Variants in LGR4 observed in about 807,000 individuals in gnomAD.
The protein encoded by LGR4 is leucine-rich repeat-containing G protein-coupled receptor 4.
Under a neutral mutation model 84.8 loss-of-function variants are expected in LGR4, and 44 were observed. The observed-to-expected ratio is 0.52, with a 90% confidence interval of 0.41 to 0.67. The LOEUF is 0.67. LGR4 is among the 30% of genes least tolerant of loss of function. The pLI, the probability that LGR4 is intolerant of heterozygous loss-of-function variation, is 0.00. For synonymous variants in LGR4, 429 were observed against 434.3 expected (o/e 0.99, Z 0.15); for missense variants, 1,032 against 1,131.4 (o/e 0.91, Z 1.26).
chr11:27,370,818 C>T (rs1488344459), intron 17 of LGR4, among the ~76,000 whole-genome samples: 4 of 152,154 alleles, frequency 2.6e-5, no homozygotes, highest in Non-Finnish European at 4.4e-5. Flanking sequence ...AAGCAAGCTG[C>T]ACCCCAACCT....
At chr11:27,408,893 T>C (rs1443373405) in intron 2 of LGR4, among the ~76,000 whole-genome samples, 1 of 152,124 alleles carries the variant, frequency 6.6e-6, no homozygotes, top group South Asian at 2.1e-4. Flanking sequence ...AGTTCCATTG[T>C]AAAGAATAGG....
At chr11:27,406,291 T>C (rs1360268632) in intron 2 of LGR4, among the ~76,000 whole-genome samples, 1 of 152,158 alleles carries the variant, frequency 6.6e-6, no homozygotes. Context: ...GCACTGAACA[T>C]AGTGGTTCAG....
At chr11:27,435,490 T>A in intron 1 of LGR4, among the ~76,000 whole-genome samples, 1 of 151,870 alleles carries the variant, frequency 6.6e-6, no homozygotes, top group East Asian at 1.9e-4. Flanking sequence ...GTTCATCAGC[T>A]ACTTTTTTTT....
intron 2 of LGR4, among the ~76,000 whole-genome samples, chr11:27,398,369 G>T (rs1441943122): frequency 1.3e-5 from 2 of 152,204 alleles, no homozygotes; most frequent in Admixed American, 6.5e-5. Flanking sequence ...AGAGAGGCAA[G>T]TGTGAAATAG....
In LGR4 at chr11:27,372,133, G is replaced by C. The variant is rs1862895875; in HGVS notation, c.1495+150C>G. 6.3e-6 allele frequency: 4 copies of C among 630,626 alleles called. No homozygotes were observed. In the South Asian group the frequency reaches 7.8e-5, roughly 12 times the overall value. 39.1% of individuals were successfully genotyped at this position (630,626 alleles called of 1,614,324 possible). On this transcript the variant is annotated intron_variant, in intron 16 of 17. Transcript: ENST00000379214. ...TCCCGCCTTGGCCTCCCTAAGTGCTGAGATTACAGGCATGAGCCATCACAC... is the reference window on the plus strand; with the variant it reads ...TCCCGCCTTGGCCTCCCTAAGTGCTCAGATTACAGGCATGAGCCATCACAC...
rs1287789368 is a variant in LGR4 at position 27,432,030 on chromosome 11, GCCGGT to G, written c.186-19175_186-19171del. Among the ~76,000 whole-genome samples, 138 of 152,302 alleles carry G rather than the reference GCCGGT, an allele frequency of 9.1e-4. No homozygotes were observed. The Middle Eastern group carries it at 0.017, about 19-fold the overall frequency. On this transcript the variant is annotated intron_variant, in intron 1 of 17. Coordinates refer to ENST00000379214, the MANE Select transcript of LGR4 (RefSeq NM_018490.5). Reference sequence around the variant, plus strand: ...CATTGATTGTAATATGTCACATCCTGCCGGTTATTATCCCCAGCAGGATGGCAAAT... The same window carrying G: ...CATTGATTGTAATATGTCACATCCTGTATTATCCCCAGCAGGATGGCAAAT...
chr11:27,443,104 AC>A (rs1167210047), intron 1 of LGR4, among the ~76,000 whole-genome samples: 3 of 152,200 alleles, frequency 2.0e-5, no homozygotes, highest in Admixed American at 6.5e-5. Context: ...TGGACAGGGC[AC>A]TTTATCCACA....
intron 11 of LGR4, among the ~76,000 whole-genome samples, chr11:27,378,203 C>T (rs746655341): frequency 6.6e-5 from 10 of 152,314 alleles, no homozygotes; most frequent in Non-Finnish European, 1.5e-4. Context: ...TCTCCTGCCA[C>T]TGAGTACTTA....
rs144220901 is a variant in LGR4 at position 27,366,489 on chromosome 11, T to A, written c.*1378A>T. On this transcript the variant is annotated 3_prime_UTR_variant, in exon 18 of 18. Coordinates refer to ENST00000379214, the MANE Select transcript of LGR4 (RefSeq NM_018490.5). The stretch of plus-strand genomic sequence containing the variant: ...AGATAAAAATTCATTATATGCACAG[T>A]ATGTACAGTTTAATTATTAAACTGC... 1.3e-5 allele frequency: 2 copies of A among 152,700 alleles called. No individual in the cohort carries two copies. The highest frequency in any genetic ancestry group is 3.9e-4 in the East Asian group (2 of 5,192). 9.5% of individuals were successfully genotyped at this position (152,700 alleles called of 1,614,324 possible). A position where few individuals can be genotyped will look rare whatever the true frequency, so the allele number is the denominator to read the frequency against.
intron 1 of LGR4, among the ~76,000 whole-genome samples, chr11:27,465,414 T>C (rs753223081): frequency 3.9e-5 from 6 of 152,216 alleles, no homozygotes; most frequent in Non-Finnish European, 7.3e-5. Context: ...ATGAAAAACA[T>C]GTTTTAGAGA....
intron 10 of LGR4, among the ~76,000 whole-genome samples, chr11:27,379,966 C>T (rs1863059427): frequency 6.6e-6 from 1 of 152,162 alleles, no homozygotes. Context: ...TCCGTGAAGC[C>T]TTCTGTGATA....
At chr11:27,393,949 G>GC (rs1331166305) in intron 2 of LGR4, among the ~76,000 whole-genome samples, 35 of 103,874 alleles carry the variant, frequency 3.4e-4, no homozygotes, top group Non-Finnish European at 4.9e-4. Context: ...TGGGGGGGGG[G>GC]GGGGGCGCGG....
At chr11:27,396,677 C>T (rs991255764) in intron 2 of LGR4, among the ~76,000 whole-genome samples, 2 of 152,176 alleles carry the variant, frequency 1.3e-5, no homozygotes, top group African/African-American at 4.8e-5. Context: ...CAACAGTTTT[C>T]GTAGCTTCTC....
At chr11:27,408,068 T>C (rs1863645198) in intron 2 of LGR4, among the ~76,000 whole-genome samples, 1 of 152,176 alleles carries the variant, frequency 6.6e-6, no homozygotes, top group African/African-American at 2.4e-5. Context: ...TATGTTATTA[T>C]CATGGATTGA....
chr11:27,456,701 A>G (rs1371566491), intron 1 of LGR4, among the ~76,000 whole-genome samples: 1 of 152,208 alleles, frequency 6.6e-6, no homozygotes, highest in African/African-American at 2.4e-5. Context: ...GACACACACA[A>G]AAAAACACTA....
intron 1 of LGR4, among the ~76,000 whole-genome samples, chr11:27,469,781 C>G (rs1452978997): frequency 2.0e-5 from 3 of 152,204 alleles, no homozygotes; most frequent in Non-Finnish European, 4.4e-5. Context: ...AACTAGTCTC[C>G]TGATGTGTAA....
chr11:27,426,014 G>T (rs1033871178), intron 1 of LGR4, among the ~76,000 whole-genome samples: 5 of 152,152 alleles, frequency 3.3e-5, no homozygotes, highest in Non-Finnish European at 7.3e-5. Context: ...AGTGAATGAT[G>T]TGCCAGACAT....
intron 1 of LGR4, among the ~76,000 whole-genome samples, chr11:27,452,940 A>C (rs1341443405): frequency 6.6e-6 from 1 of 152,074 alleles, no homozygotes; most frequent in Non-Finnish European, 1.5e-5. Flanking sequence ...TTGTATTGAC[A>C]TACCAATTTA....
chr11:27,388,039 T>C (rs991104005), intron 4 of LGR4, among the ~76,000 whole-genome samples: 9 of 152,058 alleles, frequency 5.9e-5, no homozygotes, highest in Admixed American at 2.6e-4. Flanking sequence ...CTATACAAAA[T>C]AGCATAATAC....
Sources: allele counts gnomAD v4.1 joint callset (sites outside exome capture counted in the v4.1 genomes callset), GRCh38; gene constraint gnomAD v4.1.1; transcripts MANE v1.5; gene names NCBI Gene and HGNC (gene_info 2026-07-23, HGNC 2026-07-21).